Variants in KCTD8 observed in about 807,000 individuals in gnomAD.
KCTD8 encodes the protein potassium channel tetramerization domain containing 8, also known as BTB/POZ domain-containing protein KCTD8.
Under a neutral mutation model 31.5 loss-of-function variants are expected in KCTD8, and 27 were observed. The observed-to-expected ratio is 0.86, with a 90% confidence interval of 0.63 to 1.18. The LOEUF is 1.18. Among genes scored for constraint, KCTD8 ranks in the 50% most tolerant of loss-of-function variants. The pLI, the probability that KCTD8 is intolerant of heterozygous loss-of-function variation, is 0.00. For synonymous variants in KCTD8, 290 were observed against 280.0 expected (o/e 1.04, Z -0.36); for missense variants, 658 against 647.7 (o/e 1.02, Z -0.17).
intron 1 of KCTD8, among the ~76,000 whole-genome samples, chr4:44,268,128 G>C (rs1716450101): frequency 6.6e-6 from 1 of 152,128 alleles, no homozygotes; most frequent in Non-Finnish European, 1.5e-5. Flanking sequence ...GATGAACATT[G>C]ATGCAAAAAT....
chr4:44,267,382 C>T lies in KCTD8; in HGVS notation c.962-92132G>A, dbSNP rs1027618642. 2.7e-3 allele frequency among the ~76,000 whole-genome samples: 414 copies of T among 152,218 alleles called. 1 individual carries two copies. The highest frequency in any genetic ancestry group is 8.5e-3 in the African/African-American group (353 of 41,524). On this transcript the variant is annotated intron_variant, in intron 1 of 1. Transcript: ENST00000360029. ...ACACAACATACCAGAATCTCTGGGA[C>T]GCATTCAAGGCAGTGTGTAGAGGGA... is the stretch of plus-strand genomic sequence containing the variant.
At chr4:44,212,189 C>T (rs1714501601) in intron 1 of KCTD8, among the ~76,000 whole-genome samples, 1 of 152,120 alleles carries the variant, frequency 6.6e-6, no homozygotes, top group East Asian at 1.9e-4. Flanking sequence ...GCGATAAAAT[C>T]ACACAGAAAT....
chr4:44,421,900 A>C (rs895153025), intron 1 of KCTD8, among the ~76,000 whole-genome samples: 1 of 152,102 alleles, frequency 6.6e-6, no homozygotes, highest in African/African-American at 2.4e-5. Flanking sequence ...TTCTAATTTT[A>C]TCTGTGTATC....
At chr4:44,440,212 C>A (rs897321273) in intron 1 of KCTD8, among the ~76,000 whole-genome samples, 3 of 152,070 alleles carry the variant, frequency 2.0e-5, no homozygotes, top group Non-Finnish European at 4.4e-5. Flanking sequence ...GGATTACAGG[C>A]GTGAGCCACC....
intron 1 of KCTD8, among the ~76,000 whole-genome samples, chr4:44,419,690 G>A (rs1028617488): frequency 3.9e-5 from 6 of 152,020 alleles, no homozygotes; most frequent in Non-Finnish European, 8.8e-5. Context: ...GTCACATACC[G>A]GGGCCTGTCG....
chr4:44,337,701 G>A (rs1253771341), intron 1 of KCTD8, among the ~76,000 whole-genome samples: 1 of 137,162 alleles, frequency 7.3e-6, no homozygotes, highest in Non-Finnish European at 1.6e-5. Context: ...ATATATATGT[G>A]TATATATATT....
chr4:44,422,587 T>C (rs1449719510), intron 1 of KCTD8, among the ~76,000 whole-genome samples: 9 of 152,094 alleles, frequency 5.9e-5, no homozygotes, highest in Non-Finnish European at 5.9e-5. Flanking sequence ...AACCCTTAAT[T>C]GCTTTGAACC....
chr4:44,269,114 G>A (rs1182865532), intron 1 of KCTD8, among the ~76,000 whole-genome samples: 2 of 152,114 alleles, frequency 1.3e-5, no homozygotes, highest in Non-Finnish European at 2.9e-5. Flanking sequence ...CAAAGCTGGA[G>A]GCATCATGCT....
At chr4:44,299,965 A>G (rs1717560217) in intron 1 of KCTD8, among the ~76,000 whole-genome samples, 1 of 151,644 alleles carries the variant, frequency 6.6e-6, no homozygotes, top group South Asian at 2.1e-4. Context: ...GTTAGCCAGG[A>G]TGGTCTCAAT....
At chr4:44,313,642 T>G (rs758030615) in intron 1 of KCTD8, among the ~76,000 whole-genome samples, 4 of 152,170 alleles carry the variant, frequency 2.6e-5, no homozygotes, top group Non-Finnish European at 5.9e-5. Flanking sequence ...ATGACATATA[T>G]CATTCACTAA....
At chr4:44,284,366 T>G (rs1249564612) in intron 1 of KCTD8, among the ~76,000 whole-genome samples, 1 of 152,112 alleles carries the variant, frequency 6.6e-6, no homozygotes, top group Non-Finnish European at 1.5e-5. Flanking sequence ...ACACAAGCAA[T>G]GGGGAAAAGA....
chr4:44,394,659 T>C (rs1300189225), intron 1 of KCTD8, among the ~76,000 whole-genome samples: 2 of 152,056 alleles, frequency 1.3e-5, no homozygotes, highest in Non-Finnish European at 2.9e-5. Flanking sequence ...ACCCACACAA[T>C]TTTGCTATGT....
At chr4:44,261,764 C>A (rs1716189527) in intron 1 of KCTD8, among the ~76,000 whole-genome samples, 1 of 151,864 alleles carries the variant, frequency 6.6e-6, no homozygotes, top group Admixed American at 6.6e-5. Flanking sequence ...GGCAGGATTT[C>A]TTTCTTTTTT....
At chr4:44,308,582 C>G (rs1453068942) in intron 1 of KCTD8, among the ~76,000 whole-genome samples, 2 of 151,604 alleles carry the variant, frequency 1.3e-5, no homozygotes, top group African/African-American at 4.8e-5. Flanking sequence ...ATAGATATAC[C>G]TTTTTTGATA....
intron 1 of KCTD8, among the ~76,000 whole-genome samples, chr4:44,368,207 T>A (rs768046614): frequency 6.6e-6 from 1 of 151,964 alleles, no homozygotes; most frequent in Non-Finnish European, 1.5e-5. Flanking sequence ...TGAAACCCTG[T>A]CTCTACTAAA....
At chr4:44,283,740 C>T (rs1000195117) in intron 1 of KCTD8, among the ~76,000 whole-genome samples, 1 of 152,090 alleles carries the variant, frequency 6.6e-6, no homozygotes, top group Non-Finnish European at 1.5e-5. Flanking sequence ...ATCGTCTCAG[C>T]CCAAAATCTC....
chr4:44,400,446 A>G (rs1308484223), intron 1 of KCTD8, among the ~76,000 whole-genome samples: 1 of 151,914 alleles, frequency 6.6e-6, no homozygotes, highest in African/African-American at 2.4e-5. Context: ...AGACATAAAA[A>G]CCAGCCAGGC....
intron 1 of KCTD8, among the ~76,000 whole-genome samples, chr4:44,334,136 T>C (rs1718657835): frequency 6.6e-6 from 1 of 152,128 alleles, no homozygotes; most frequent in Non-Finnish European, 1.5e-5. Flanking sequence ...TACAGAGAGA[T>C]ACCATAAATT....
intron 1 of KCTD8, among the ~76,000 whole-genome samples, chr4:44,342,253 C>T (rs1718921078): frequency 6.6e-6 from 1 of 151,470 alleles, no homozygotes; most frequent in South Asian, 2.1e-4. Flanking sequence ...CCTGTAGTCC[C>T]AGCTACTCTG....
Sources: gnomAD v4.1 joint callset for allele counts (sites outside exome capture counted in the v4.1 genomes callset) on GRCh38, gnomAD v4.1.1 for gene constraint, MANE v1.5 for transcripts, NCBI Gene and HGNC (gene_info 2026-07-23, HGNC 2026-07-21) for gene names.